Variants in NHSL2 observed in about 807,000 individuals in gnomAD.
NHSL2 encodes the protein NHS-like protein 2.
In NHSL2, 27 loss-of-function variants were observed where a neutral mutation model predicts 53.4. That is an observed-to-expected ratio of 0.51 (90% CI 0.37 to 0.70). NHSL2 has a LOEUF of 0.70. Among genes scored for constraint, NHSL2 ranks in the 30% least tolerant of loss-of-function variants. The pLI is 0.00. For synonymous variants in NHSL2, 408 were observed against 404.1 expected (o/e 1.01, Z -0.12); for missense variants, 892 against 980.1 (o/e 0.91, Z 1.20).
Position 72,143,816 on chromosome X carries a change from T to C in NHSL2, c.*242T>C, listed in dbSNP as rs2042439357. On this transcript the variant is annotated 3_prime_UTR_variant, in exon 8 of 8. Transcript: ENST00000633930. The stretch of plus-strand genomic sequence containing the variant: ...TTGTCATGACTGACTACCGAGTTTC[T>C]TCTTATTTTCCCCCAGTGGTGTGCA... The C allele has an allele frequency of 3.7e-6, 1 of 270,735 alleles. No individual in the cohort carries two copies. The allele number at this position is 270,735 out of a possible 1,213,427, so 22.3% of individuals were successfully genotyped here. A position where few individuals can be genotyped will look rare whatever the true frequency, so the allele number is the denominator to read the frequency against.
At chrX:72,021,060 T>TACAC (rs68122154) in intron 1 of NHSL2, among the ~76,000 whole-genome samples, 1 of 106,782 alleles carries the variant, frequency 9.4e-6, no homozygotes, top group East Asian at 3.0e-4. Flanking sequence ...CGCGTGCGCA[T>TACAC]ACACACACAC....
At chrX:71,927,265 G>A (rs1224703038) in intron 1 of NHSL2, among the ~76,000 whole-genome samples, 1 of 112,070 alleles carries the variant, frequency 8.9e-6, no homozygotes, top group Non-Finnish European at 1.9e-5. Context: ...TCAGAGGGAG[G>A]GACTCAATGG....
At chrX:72,040,266 G>C (rs2042266331) in intron 1 of NHSL2, among the ~76,000 whole-genome samples, 2 of 111,556 alleles carry the variant, frequency 1.8e-5, no homozygotes, top group Admixed American at 9.4e-5. Flanking sequence ...CCATGCTTTG[G>C]GATCACAGTT....
chrX:71,972,326 C>T (rs981217806), intron 1 of NHSL2, among the ~76,000 whole-genome samples: 10 of 112,135 alleles, frequency 8.9e-5, no homozygotes, highest in East Asian at 2.8e-4. Context: ...TGAGCCACCG[C>T]GCCCGGCCTA....
rs2042523195 is a variant in NHSL2, at chrX:72,152,390, C to G, written c.*8816C>G. The G allele has an allele frequency of 1.0e-5, 1 of 97,491 alleles. No individual in the cohort carries two copies. Among genetic ancestry groups the G allele is most frequent in the Admixed American group, 1.1e-4 (1 of 8,703 alleles). 8.0% of individuals were successfully genotyped at this position (97,491 alleles called of 1,213,427 possible). ...ACACACACACACACACACACACACA[C>G]AGTCCAGCACCCTCATCAGTTCTCT... On this transcript the variant is annotated 3_prime_UTR_variant, in exon 8 of 8. Transcript: ENST00000633930.
chrX:72,054,911 G>A (rs2042359913), intron 1 of NHSL2, among the ~76,000 whole-genome samples: 1 of 111,254 alleles, frequency 9.0e-6, no homozygotes, highest in South Asian at 3.8e-4. Flanking sequence ...GCAGTCATTA[G>A]GCTGGAGCTT....
intron 1 of NHSL2, among the ~76,000 whole-genome samples, chrX:71,983,451 A>C (rs1248795801): frequency 9.1e-6 from 1 of 110,132 alleles, no homozygotes; most frequent in Admixed American, 9.7e-5. Flanking sequence ...CAAAAAAAAA[A>C]AAAATTAAAA....
chrX:72,137,293 G>A, intron 5 of NHSL2, 68 bp downstream of exon 5: 1 of 1,010,210 alleles, frequency 9.9e-7, no homozygotes, highest in Non-Finnish European at 1.3e-6. Context: ...TGCCACCCAG[G>A]TGGTACTGTG....
chrX:72,103,681 C>G (rs55915349), intron 1 of NHSL2, among the ~76,000 whole-genome samples: 15,005 of 111,770 alleles, frequency 0.13, 1,374 homozygotes, highest in African/African-American at 0.33. Flanking sequence ...CATGAGCCAA[C>G]TGACTGGGTA....
chrX:71,969,387 A>G (rs2041915797), intron 1 of NHSL2, among the ~76,000 whole-genome samples: 1 of 96,922 alleles, frequency 1.0e-5, no homozygotes, highest in South Asian at 4.6e-4. Flanking sequence ...ATCTTGGTTC[A>G]CTGCAACCTC....
chrX:72,125,298 C>G (rs1048539953), intron 1 of NHSL2, among the ~76,000 whole-genome samples: 1 of 111,919 alleles, frequency 8.9e-6, no homozygotes, highest in Non-Finnish European at 1.9e-5. Flanking sequence ...AGGACATCTT[C>G]TAGTCCTCCA....
chrX:72,010,428 C>A (rs1050299213), intron 1 of NHSL2, among the ~76,000 whole-genome samples: 2 of 111,976 alleles, frequency 1.8e-5, no homozygotes, highest in Admixed American at 1.9e-4. Context: ...GAATAATATT[C>A]TTGTTGTGAA....
At chrX:71,957,970 G>A (rs912748785) in intron 1 of NHSL2, among the ~76,000 whole-genome samples, 1 of 110,602 alleles carries the variant, frequency 9.0e-6, no homozygotes, top group African/African-American at 3.3e-5. Context: ...GAGGAGGGAC[G>A]CTCACATCTG....
intron 1 of NHSL2, among the ~76,000 whole-genome samples, chrX:72,024,686 A>G (rs1258699707): frequency 8.9e-6 from 1 of 111,987 alleles, no homozygotes; most frequent in Non-Finnish European, 1.9e-5. Flanking sequence ...GACTGTCACT[A>G]CTAGAATCAC....
At chrX:72,127,291 T>C in intron 1 of NHSL2, 1 of 61,007 alleles carries the variant, frequency 1.6e-5, no homozygotes, top group African/African-American at 7.0e-5. Flanking sequence ...CCCACCCCTC[T>C]TTCAACCCAA....
chrX:72,058,138 T>C (rs924044994), intron 1 of NHSL2, among the ~76,000 whole-genome samples: 1 of 111,950 alleles, frequency 8.9e-6, no homozygotes, highest in African/African-American at 3.3e-5. Context: ...AAAGAACAAT[T>C]GACAGGTAAA....
At chrX:72,088,571 G>C (rs1216386056) in intron 1 of NHSL2, among the ~76,000 whole-genome samples, 1 of 111,551 alleles carries the variant, frequency 9.0e-6, no homozygotes. Flanking sequence ...CCGTGAAATG[G>C]CCTTGACTTT....
chrX:72,121,697 C>G (rs1209578769), intron 1 of NHSL2, among the ~76,000 whole-genome samples: 2 of 112,180 alleles, frequency 1.8e-5, no homozygotes, highest in Non-Finnish European at 3.8e-5. Flanking sequence ...CTCTGACACC[C>G]TAGGGCAGGG....
At chrX:72,126,871 C>G (rs1288878893) in intron 1 of NHSL2, among the ~76,000 whole-genome samples, 1 of 112,299 alleles carries the variant, frequency 8.9e-6, no homozygotes, top group African/African-American at 3.2e-5. Context: ...CCATAGTCCC[C>G]GGGAGAACGA....
Sources: gnomAD v4.1 joint callset for allele counts (sites outside exome capture counted in the v4.1 genomes callset) on GRCh38, gnomAD v4.1.1 for gene constraint, MANE v1.5 for transcripts, NCBI Gene and HGNC (gene_info 2026-07-23, HGNC 2026-07-21) for gene names.